FYN: variants seen among roughly 807,000 people sequenced by gnomAD.
The protein encoded by FYN is tyrosine-protein kinase Fyn.
Under a neutral mutation model 70.2 loss-of-function variants are expected in FYN, and 10 were observed. The ratio of observed to expected loss-of-function variants is 0.14; its 90% confidence interval spans 0.09 to 0.24. FYN has a LOEUF of 0.24. FYN is among the 10% of genes least tolerant of loss of function. The pLI is 1.00. For synonymous variants in FYN, 236 were observed against 248.6 expected (o/e 0.95, Z 0.48); for missense variants, 319 against 673.1 (o/e 0.47, Z 5.82).
chr6:111,723,883 G>C (rs1801068539), intron 3 of FYN, among the ~76,000 whole-genome samples: 1 of 152,172 alleles, frequency 6.6e-6, no homozygotes, highest in Non-Finnish European at 1.5e-5. Context: ...CGTGAATGTG[G>C]AGCCCTGGAG....
intron 3 of FYN, among the ~76,000 whole-genome samples, chr6:111,755,108 C>T (rs1422750747): frequency 1.3e-5 from 2 of 151,622 alleles, no homozygotes; most frequent in Non-Finnish European, 2.9e-5. Context: ...TTTGGATGAA[C>T]AAATACTGGC....
At chr6:111,776,013 C>A (rs1770924014) in intron 3 of FYN, among the ~76,000 whole-genome samples, 1 of 152,168 alleles carries the variant, frequency 6.6e-6, no homozygotes, top group Non-Finnish European at 1.5e-5. Flanking sequence ...CATTTTCACT[C>A]TTCATCTCAG....
intron 3 of FYN, among the ~76,000 whole-genome samples, chr6:111,748,909 G>T (rs1802362482): frequency 6.6e-6 from 1 of 152,154 alleles, no homozygotes. Context: ...TATGGGAAAG[G>T]ACCGGTATAC....
intron 3 of FYN, among the ~76,000 whole-genome samples, chr6:111,753,315 T>C (rs1318653937): frequency 2.0e-5 from 3 of 152,106 alleles, no homozygotes; most frequent in Non-Finnish European, 4.4e-5. Context: ...CATAATACCT[T>C]TGGGAATAAG....
At chr6:111,742,140 G>T (rs544883567) in intron 3 of FYN, among the ~76,000 whole-genome samples, 2 of 152,308 alleles carry the variant, frequency 1.3e-5, no homozygotes, top group African/African-American at 4.8e-5. Context: ...GTGCGGGATG[G>T]TCTACATTTT....
At chr6:111,726,056 G>A (rs1801180433) in intron 3 of FYN, among the ~76,000 whole-genome samples, 2 of 152,216 alleles carry the variant, frequency 1.3e-5, no homozygotes, top group African/African-American at 4.8e-5. Flanking sequence ...AGACACATGG[G>A]TGGTCAGAGC....
rs1774348077 is a variant in FYN at position 111,873,426 on chromosome 6, G to GCTCGCTGCTA, written c.-591_-582dup. 1 of 151,952 alleles carries GCTCGCTGCTA rather than the reference G, an allele frequency of 6.6e-6. No individual in the cohort carries two copies. Among genetic ancestry groups the GCTCGCTGCTA allele is most frequent in the Non-Finnish European group, 1.5e-5 (1 of 67,988 alleles). The allele number at this position is 151,952 out of a possible 1,614,324, so 9.4% of individuals were successfully genotyped here. A position where few individuals can be genotyped will look rare whatever the true frequency, so the allele number is the denominator to read the frequency against. ...ACGCGCCGCCGCCACCAGCGCGGCTGCTCGCTGCTACTCTTGCTGATGCTC... is the reference window on the plus strand; with the variant it reads ...ACGCGCCGCCGCCACCAGCGCGGCTGCTCGCTGCTACTCGCTGCTACTCTTGCTGATGCTC... On this transcript the variant is annotated 5_prime_UTR_variant, in exon 1 of 14. Transcript: ENST00000354650.
rs537584729 is a variant in FYN, at chr6:111,757,659, C to G, written c.-12+22907G>C. Among the ~76,000 whole-genome samples, 5 of 152,296 alleles carry G rather than the reference C, an allele frequency of 3.3e-5. No individual in the cohort carries two copies. In the East Asian group the frequency reaches 9.6e-4, roughly 29 times the overall value. ...AGGAGATGGATGCTATGAAGGGAGACATTGGTCAAGAGGTAGGCAAAGCTC... is the reference window on the plus strand; with the variant it reads ...AGGAGATGGATGCTATGAAGGGAGAGATTGGTCAAGAGGTAGGCAAAGCTC... On this transcript the variant is annotated intron_variant, in intron 3 of 13. Transcript: ENST00000354650.
intron 2 of FYN, among the ~76,000 whole-genome samples, chr6:111,789,367 G>A (rs1314881657): frequency 1.3e-5 from 2 of 152,200 alleles, no homozygotes; most frequent in African/African-American, 2.4e-5. Flanking sequence ...TGGATGACTG[G>A]ATGGGTGGGG....
rs527400351 is a variant in FYN at position 111,829,866 on chromosome 6, TGGA to T, written c.-82+16720_-82+16722del. ...CTGTGCCTGGCTTGGTGCTAGGATG[TGGA>T]GAAGAACAGATCACTGTCTCCATGC... On this transcript the variant is annotated intron_variant, in intron 2 of 13. Coordinates refer to ENST00000354650, the MANE Select transcript of FYN (RefSeq NM_002037.5). Among the ~76,000 whole-genome samples the T allele has an allele frequency of 3.7e-4, 56 of 152,256 alleles. 1 individual carries two copies. Among genetic ancestry groups the T allele is most frequent in the African/African-American group, 1.3e-3 (54 of 41,556 alleles).
At chr6:111,688,038 A>G (rs1354546936) in intron 12 of FYN, among the ~76,000 whole-genome samples, 1 of 152,162 alleles carries the variant, frequency 6.6e-6, no homozygotes, top group Non-Finnish European at 1.5e-5. Context: ...AACCCAAAAA[A>G]CAAAAAACAA....
rs144099630 is a variant in FYN, at chr6:111,789,760, T to G, written c.-81-9125A>C. ...AATTCTTCCGACTTGCCCTTTTAAA[T>G]TAAGCTGTTCCTAAGATCTGCAATC... is the stretch of plus-strand genomic sequence containing the variant. On this transcript the variant is annotated intron_variant, in intron 2 of 13. Transcript: ENST00000354650. 9.2e-5 allele frequency among the ~76,000 whole-genome samples: 14 copies of G among 152,326 alleles called. No individual in the cohort carries two copies. The East Asian group carries it at 2.5e-3, about 27-fold the overall frequency.
chr6:111,815,691 T>C (rs1265427114), intron 2 of FYN, among the ~76,000 whole-genome samples: 1 of 151,844 alleles, frequency 6.6e-6, no homozygotes, highest in Admixed American at 6.6e-5. Context: ...AAAGGAGTTC[T>C]ATCCTGTTCT....
At chr6:111,713,491 G>A (rs1800482351) in intron 5 of FYN, among the ~76,000 whole-genome samples, 1 of 151,954 alleles carries the variant, frequency 6.6e-6, no homozygotes, top group Admixed American at 6.6e-5. Context: ...CCAACCACCG[G>A]GAGCACTCAT....
Position 111,708,015 on chromosome 6 carries a change from C to T in FYN, c.350G>A (p.Gly117Glu). The change falls in exon 6 of 14, where the codon GGA becomes GAA. Residue 117 changes from glycine to glutamate, a missense_variant. Around this residue, in one of 4 missense-constraint regions of FYN, gnomAD observed 128 missense variants for 183.9 expected, o/e 0.70. Coordinates refer to ENST00000354650, the MANE Select transcript of FYN (RefSeq NM_002037.5). ...EKFQILNSSE[G>E]DWWEARSLTT... ...CAAGGAGCGGGCTTCCCACCAATCT[C>T]CTTCCCTGTAAATAAAAAAGAAAAG... is the stretch of plus-strand genomic sequence containing the variant. 6.2e-7 allele frequency: 1 copy of T among 1,612,248 alleles called. No individual in the cohort carries two copies. The highest frequency in any genetic ancestry group is 8.5e-7 in the Non-Finnish European group (1 of 1,178,380).
chr6:111,803,934 C>G (rs889321679), intron 2 of FYN, among the ~76,000 whole-genome samples: 23 of 152,242 alleles, frequency 1.5e-4, no homozygotes, highest in African/African-American at 5.3e-4. Context: ...AGGAATGGAG[C>G]AAACCACATG....
At chr6:111,725,479 G>A (rs1053869846) in intron 3 of FYN, among the ~76,000 whole-genome samples, 4 of 152,122 alleles carry the variant, frequency 2.6e-5, no homozygotes, top group Non-Finnish European at 5.9e-5. Flanking sequence ...GGACAGAAGG[G>A]CCAGGGAGGA....
chr6:111,827,924 A>T (rs1253705244), intron 2 of FYN, among the ~76,000 whole-genome samples: 3 of 152,202 alleles, frequency 2.0e-5, no homozygotes, highest in Non-Finnish European at 4.4e-5. Context: ...AGAGGCAGGC[A>T]GGCTTGCCCT....
chr6:111,727,448 A>G (rs1219289124), intron 3 of FYN, among the ~76,000 whole-genome samples: 1 of 152,174 alleles, frequency 6.6e-6, no homozygotes, highest in Non-Finnish European at 1.5e-5. Context: ...TACACATATA[A>G]TGCCTCCACC....
Sources: gnomAD v4.1 joint callset for allele counts (sites outside exome capture counted in the v4.1 genomes callset) on GRCh38, gnomAD v4.1.1 for gene constraint, gnomAD v4.1.1 regional missense constraint, MANE v1.5 for transcripts, NCBI Gene and HGNC (gene_info 2026-07-23, HGNC 2026-07-21) for gene names.